Variants in GRHL1 observed in about 807,000 individuals in gnomAD.
GRHL1 encodes grainyhead-like protein 1 homolog.
In GRHL1, 38 loss-of-function variants were observed where a neutral mutation model predicts 75.7. The ratio of observed to expected loss-of-function variants is 0.50; its 90% CI spans 0.39 to 0.66. The LOEUF is 0.66. GRHL1 is among the 30% of genes least tolerant of loss of function. The pLI is 0.00. For missense variants in GRHL1, 589 were observed against 767.5 expected, an observed-to-expected ratio of 0.77 and a Z score of 2.75; for synonymous variants, 266 against 279.4, an observed-to-expected ratio of 0.95 and a Z score of 0.48.
chr2:9,958,206 C>T (rs1390604134), intron 2 of GRHL1, among the ~76,000 whole-genome samples: 3 of 136,668 alleles, frequency 2.2e-5, no homozygotes, highest in African/African-American at 8.6e-5. Flanking sequence ...CAGGAAGGGT[C>T]TTGCTCTATC....
chr2:9,977,620 G>A (rs999115575), intron 8 of GRHL1, among the ~76,000 whole-genome samples: 2 of 152,204 alleles, frequency 1.3e-5, no homozygotes, highest in Non-Finnish European at 2.9e-5. Context: ...ACCACATCCA[G>A]CTGGAATAAA....
In GRHL1 at chr2:9,990,933, AG is replaced by A. The variant is rs35863027; in HGVS notation, c.1321+190del. 0.24 allele frequency among the ~76,000 whole-genome samples: 36,053 copies of A among 148,146 alleles called. 4,518 individuals are homozygous for A. The highest frequency in any genetic ancestry group is 0.34 in the Admixed American group (5,128 of 15,178). ...CAGCAGCAGATGCCAGCTCAGCGGG[AG>A]GGGTTTTCCTGGGGACTACAGGATA... On this transcript the variant is annotated intron_variant, in intron 10 of 15. Coordinates refer to ENST00000324907, the MANE Select transcript of GRHL1 (RefSeq NM_198182.3). This position sits in a 1 kb window ranked among gnomAD's most constrained non-coding sequence, Gnocchi z 4.2.
At chr2:9,956,800 C>G (rs1172802879) in intron 2 of GRHL1, among the ~76,000 whole-genome samples, 1 of 152,066 alleles carries the variant, frequency 6.6e-6, no homozygotes, top group Non-Finnish European at 1.5e-5. Flanking sequence ...ATATTTTTAA[C>G]TGAAACTTTT....
At chr2:9,989,878 T>G (rs6716765) in intron 9 of GRHL1, among the ~76,000 whole-genome samples, 34,265 of 151,976 alleles carry the variant, frequency 0.23, 4,266 homozygotes, top group African/African-American at 0.34. Flanking sequence ...TGATGATGCA[T>G]ATTTCTAGTT....
chr2:9,965,778 T>A (rs1667467459), intron 8 of GRHL1: 1 of 175,734 alleles, frequency 5.7e-6, no homozygotes, highest in Non-Finnish European at 1.2e-5. Context: ...GAAAGGCTCT[T>A]AAATATAAGT....
intron 8 of GRHL1, among the ~76,000 whole-genome samples, chr2:9,983,357 A>T (rs1001202214): frequency 6.6e-6 from 1 of 151,922 alleles, no homozygotes; most frequent in East Asian, 1.9e-4. Context: ...TCTTTAATAC[A>T]TTTAGAAAAC....
chr2:9,955,125 C>T (rs776878596), intron 2 of GRHL1, 24 bp downstream of exon 2: 97 of 1,521,874 alleles, frequency 6.4e-5, no homozygotes, highest in Non-Finnish European at 8.5e-5. Flanking sequence ...CCTTTAAAAC[C>T]CTTAACAGCA....
In GRHL1 at chr2:9,983,556, G is replaced by A. The variant is rs142312051; in HGVS notation, c.1111-2568G>A. ...AGAAACTTGAAACTGGGAAGCAAGGGGAGGTTAGGTTTCGGGTTGGATTAC... is the reference window on the plus strand; with the variant it reads ...AGAAACTTGAAACTGGGAAGCAAGGAGAGGTTAGGTTTCGGGTTGGATTAC... On this transcript the variant is annotated intron_variant, in intron 8 of 15. Coordinates refer to ENST00000324907, the MANE Select transcript of GRHL1 (RefSeq NM_198182.3). Among the ~76,000 whole-genome samples, 216 of 152,266 alleles carry A rather than the reference G, an allele frequency of 1.4e-3. 1 individual carries two copies. Among genetic ancestry groups the A allele is most frequent in the African/African-American group, 5.0e-3 (206 of 41,542 alleles).
At position 9,992,188 on chromosome 2, in the gene GRHL1, G is replaced by C. The variant is rs780895600; in HGVS notation, c.1461+42G>C. ...CCAGGGGAGGTTACCAGGAAGGAAG[G>C]CATGGCAAAAGGAAATTCTTTGGCA... On this transcript the variant is annotated intron_variant, in intron 11 of 15. Transcript: ENST00000324907. This position sits in a 1 kb window ranked among gnomAD's most constrained non-coding sequence, Gnocchi z 4.6. The C allele has an allele frequency of 5.7e-6, 9 of 1,586,368 alleles. No homozygotes were observed. Among genetic ancestry groups the C allele is most frequent in the Admixed American group, 5.4e-5 (3 of 55,880 alleles).
Position 9,968,127 on chromosome 2 carries a change from A to G in GRHL1, c.1110+2746A>G, listed in dbSNP as rs909947604. Among the ~76,000 whole-genome samples the G allele has an allele frequency of 6.6e-6, 1 of 152,090 alleles. No individual in the cohort carries two copies. Among genetic ancestry groups the G allele is most frequent in the Admixed American group, 6.5e-5 (1 of 15,282 alleles). ...TCTGCTTCTCCGTTTGGAAATGATG[A>G]TAGTTTGAGGATGTTTTGGGTTGAA... On this transcript the variant is annotated intron_variant, in intron 8 of 15. Transcript: ENST00000324907. The surrounding 1 kb of genome is among the most constrained non-coding windows in gnomAD (Gnocchi z 4.7).
intron 8 of GRHL1, among the ~76,000 whole-genome samples, chr2:9,982,342 C>CGCAGTGGTTT (rs146582485): frequency 0.17 from 25,802 of 151,974 alleles, 2,225 homozygotes; most frequent in Non-Finnish European, 0.19. Flanking sequence ...ATCACGTTAC[C>CGCAGTGGTTT]GCAGTGGTTT....
intron 11 of GRHL1, 55 bp from the exon 12 acceptor site, chr2:9,993,152 A>G (rs926745206): frequency 8.0e-7 from 1 of 1,245,754 alleles, no homozygotes; most frequent in Non-Finnish European, 1.2e-6. Context: ...TAATTCATTT[A>G]TGGCCAAACA....
chr2:9,970,804 G>C (rs958514427), intron 8 of GRHL1, among the ~76,000 whole-genome samples: 2 of 152,192 alleles, frequency 1.3e-5, no homozygotes, highest in Non-Finnish European at 2.9e-5. Flanking sequence ...GCCTTTGGAA[G>C]GATTGTCCTT....
chr2:9,958,636 T>C (rs1317440780), intron 2 of GRHL1, 150 bp from the exon 3 acceptor site: 1 of 573,644 alleles, frequency 1.7e-6, no homozygotes, highest in Non-Finnish European at 3.1e-6. Context: ...GCAGATATTA[T>C]AATTTGTGTG....
At chr2:9,954,679 G>C (rs1666934446) in intron 1 of GRHL1, among the ~76,000 whole-genome samples, 1 of 152,084 alleles carries the variant, frequency 6.6e-6, no homozygotes, top group Non-Finnish European at 1.5e-5. Flanking sequence ...GTATACCCTG[G>C]GTTCCACGTG....
intron 8 of GRHL1, among the ~76,000 whole-genome samples, chr2:9,976,809 T>C (rs1185455740): frequency 3.3e-5 from 5 of 152,154 alleles, no homozygotes; most frequent in African/African-American, 1.2e-4. Context: ...TTTTGCCTTT[T>C]AAAGAGGATG....
At position 9,996,039 on chromosome 2, in the gene GRHL1, A is replaced by G. The variant is rs1437201687; in HGVS notation, c.1591+69A>G. The stretch of plus-strand genomic sequence containing the variant: ...TGAGTTCAGAATCTATCAAAAGCAT[A>G]AATGGTTCAAGCACATTTTTCCCAG... On this transcript the variant is annotated intron_variant, in intron 13 of 15. Coordinates refer to ENST00000324907, the MANE Select transcript of GRHL1 (RefSeq NM_198182.3). 4.0e-6 allele frequency: 4 copies of G among 1,012,552 alleles called. No homozygotes were observed. The Admixed American group carries it at 7.1e-5, about 18-fold the overall frequency. 62.7% of individuals were successfully genotyped at this position (1,012,552 alleles called of 1,614,324 possible).
In GRHL1 at chr2:9,951,753, G is replaced by A; in HGVS notation, c.-81G>A. The A allele has an allele frequency of 3.0e-6, 4 of 1,335,452 alleles. No individual in the cohort carries two copies. Among genetic ancestry groups the A allele is most frequent in the Non-Finnish European group, 4.0e-6 (4 of 990,074 alleles). The allele number at this position is 1,335,452 out of a possible 1,614,324, so 82.7% of individuals were successfully genotyped here. On this transcript the variant is annotated 5_prime_UTR_variant, in exon 1 of 16. Transcript: ENST00000324907. This position sits in a 1 kb window ranked among gnomAD's most constrained non-coding sequence, Gnocchi z 4.2. Reference sequence around the variant, plus strand: ...CCGCTCCGGACCCGCAGCCGCCGCCGCCGCCTCCTCCCCCCGGATCGGGTG... The same window carrying A: ...CCGCTCCGGACCCGCAGCCGCCGCCACCGCCTCCTCCCCCCGGATCGGGTG...
intron 8 of GRHL1, among the ~76,000 whole-genome samples, chr2:9,972,026 G>A (rs1306419303): frequency 6.6e-6 from 1 of 152,116 alleles, no homozygotes; most frequent in South Asian, 2.1e-4. Flanking sequence ...TTGTCATCGC[G>A]CAGGCCGGAG....
Sources: allele counts gnomAD v4.1 joint callset (sites outside exome capture counted in the v4.1 genomes callset), GRCh38; gene constraint gnomAD v4.1.1; non-coding constraint Gnocchi (gnomAD v3.1); transcripts MANE v1.5; gene names NCBI Gene and HGNC (gene_info 2026-07-23, HGNC 2026-07-21).